The following LUZP2 variants were observed in gnomAD, a reference collection of about 807,000 sequenced individuals.
LUZP2 encodes the protein leucine zipper protein 2.
Under a neutral mutation model 51.6 loss-of-function variants are expected in LUZP2, and 52 were observed. The observed-to-expected ratio is 1.01, with a 90% CI of 0.81 to 1.27. The LOEUF is 1.27. Ranked by LOEUF, LUZP2 falls within the 50% of genes most tolerant of loss-of-function variation. The probability of loss-of-function intolerance (pLI) is 0.00; values close to 1 mark genes in which losing one functional copy is unlikely to be tolerated. For missense variants in LUZP2, 436 were observed against 395.4 expected, an observed-to-expected ratio of 1.10 and a Z score of -0.87; for synonymous variants, 154 against 137.3, an observed-to-expected ratio of 1.12 and a Z score of -0.85.
At chr11:24,734,229 C>A (rs2133976031) in intron 3 of LUZP2, among the ~76,000 whole-genome samples, 1 of 141,860 alleles carries the variant, frequency 7.0e-6, no homozygotes, top group Non-Finnish European at 1.5e-5. Flanking sequence ...ATAAAGTCAG[C>A]CTTTCCTTAC....
chr11:24,823,527 C>T (rs1850424817), intron 5 of LUZP2, among the ~76,000 whole-genome samples: 3 of 151,674 alleles, frequency 2.0e-5, no homozygotes, highest in Non-Finnish European at 4.4e-5. Flanking sequence ...TTTACATTAA[C>T]AAAATGATTC....
chr11:24,630,442 G>A (rs1041067994), intron 1 of LUZP2, among the ~76,000 whole-genome samples: 8 of 151,978 alleles, frequency 5.3e-5, no homozygotes, highest in African/African-American at 1.9e-4. Flanking sequence ...TTATTACAAA[G>A]GGTGTCTTTT....
At chr11:24,550,235 C>T (rs1399081181) in intron 1 of LUZP2, among the ~76,000 whole-genome samples, 1 of 151,908 alleles carries the variant, frequency 6.6e-6, no homozygotes, top group East Asian at 1.9e-4. Context: ...ATAGAACCTA[C>T]CACATTTATG....
rs1461708086 is a variant in LUZP2 at position 24,650,846 on chromosome 11, T to C, written c.63-78323T>C. ...GAAACTTTTGCATTAATATGCATCA[T>C]AAGTTGTTCATGGAGTTCTTAAATA... is the stretch of plus-strand genomic sequence containing the variant. On this transcript the variant is annotated intron_variant, in intron 1 of 11. Coordinates refer to ENST00000336930, the MANE Select transcript of LUZP2 (RefSeq NM_001009909.4). 2.6e-5 allele frequency among the ~76,000 whole-genome samples: 4 copies of C among 152,234 alleles called. No individual in the cohort carries two copies. The East Asian group carries it at 5.8e-4, about 22-fold the overall frequency.
chr11:24,892,272 C>G (rs1017498565), intron 5 of LUZP2: 3 of 985,320 alleles, frequency 3.0e-6, no homozygotes, highest in Non-Finnish European at 2.4e-6. Context: ...ACTGGACCAT[C>G]TGCTATAGGA....
intron 6 of LUZP2, among the ~76,000 whole-genome samples, chr11:24,911,932 C>T (rs1853648415): frequency 6.6e-6 from 1 of 152,098 alleles, no homozygotes; most frequent in South Asian, 2.1e-4. Flanking sequence ...ATGCATCATG[C>T]ATTTCACCTT....
At chr11:24,764,110 A>G (rs895856736) in intron 5 of LUZP2, among the ~76,000 whole-genome samples, 1 of 152,222 alleles carries the variant, frequency 6.6e-6, no homozygotes, top group Non-Finnish European at 1.5e-5. Context: ...AAATGCTCAC[A>G]TACGATTTAA....
intron 1 of LUZP2, among the ~76,000 whole-genome samples, chr11:24,715,335 C>T (rs1811833416): frequency 7.3e-6 from 1 of 137,212 alleles, no homozygotes; most frequent in Non-Finnish European, 1.6e-5. Flanking sequence ...ATATCTTGGT[C>T]GGTGAAGAGC....
intron 1 of LUZP2, among the ~76,000 whole-genome samples, chr11:24,541,729 T>G (rs1011581271): frequency 1.3e-5 from 2 of 152,118 alleles, no homozygotes; most frequent in Non-Finnish European, 2.9e-5. Context: ...AAATGCTGCC[T>G]TATGCCACAT....
intron 7 of LUZP2, among the ~76,000 whole-genome samples, chr11:24,916,952 A>G (rs1488742244): frequency 6.6e-6 from 1 of 152,180 alleles, no homozygotes; most frequent in Non-Finnish European, 1.5e-5. Flanking sequence ...TCCCATCAAC[A>G]GTGTTAAAGT....
chr11:24,781,897 A>G (rs1296879858), intron 5 of LUZP2, among the ~76,000 whole-genome samples: 2 of 152,006 alleles, frequency 1.3e-5, no homozygotes, highest in African/African-American at 4.8e-5. Context: ...CAAAAAATGA[A>G]TATTCTGATG....
intron 5 of LUZP2, among the ~76,000 whole-genome samples, chr11:24,879,786 T>A (rs1486418054): frequency 2.0e-5 from 3 of 152,146 alleles, no homozygotes; most frequent in Non-Finnish European, 4.4e-5. Context: ...GCCTCACAAT[T>A]TTTACTGGTG....
At chr11:24,540,215 C>T (rs1212783904) in intron 1 of LUZP2, among the ~76,000 whole-genome samples, 1 of 152,072 alleles carries the variant, frequency 6.6e-6, no homozygotes, top group Non-Finnish European at 1.5e-5. Flanking sequence ...ACAATTACGA[C>T]TCTTCAAATA....
At position 25,078,859 on chromosome 11, in the gene LUZP2, A is replaced by G. The variant is rs1859396159; in HGVS notation, c.*201A>G. On this transcript the variant is annotated 3_prime_UTR_variant, in exon 12 of 12. Coordinates refer to ENST00000336930, the MANE Select transcript of LUZP2 (RefSeq NM_001009909.4). ...AATAACCTCATTGAATTGAATACCC[A>G]CAGTCAGAAATATTTTGTTGTCAAC... The G allele has an allele frequency of 4.1e-6, 2 of 491,078 alleles. No homozygotes were observed. Among genetic ancestry groups the G allele is most frequent in the Non-Finnish European group, 7.1e-6 (2 of 282,394 alleles). 30.4% of individuals were successfully genotyped at this position (491,078 alleles called of 1,614,324 possible). A position where few individuals can be genotyped will look rare whatever the true frequency, so the allele number is the denominator to read the frequency against.
intron 5 of LUZP2, among the ~76,000 whole-genome samples, chr11:24,872,775 C>T (rs1275389313): frequency 1.3e-5 from 2 of 152,070 alleles, no homozygotes; most frequent in Non-Finnish European, 2.9e-5. Context: ...AGCATTTGCA[C>T]ATTCTTTGTT....
chr11:25,001,420 C>G (rs536228262), intron 9 of LUZP2, among the ~76,000 whole-genome samples: 16 of 152,266 alleles, frequency 1.1e-4, no homozygotes, highest in African/African-American at 3.8e-4. Flanking sequence ...GGGAGTTCCT[C>G]CTAGATTTGT....
intron 5 of LUZP2, among the ~76,000 whole-genome samples, chr11:24,829,311 A>G (rs1717792254): frequency 1.3e-5 from 2 of 152,182 alleles, no homozygotes; most frequent in Admixed American, 6.6e-5. Flanking sequence ...AAGTCAGAAG[A>G]GAAGTAAATG....
intron 5 of LUZP2, chr11:24,831,994 G>C (rs1194711119): frequency 6.6e-6 from 1 of 152,486 alleles, no homozygotes; most frequent in African/African-American, 2.4e-5. Flanking sequence ...CTAGTACCTA[G>C]AATAGTGGAG....
chr11:24,559,066 C>T (rs376774807), intron 1 of LUZP2, among the ~76,000 whole-genome samples: 1 of 152,120 alleles, frequency 6.6e-6, no homozygotes, highest in African/African-American at 2.4e-5. Context: ...ATATAAATAA[C>T]TGGCTGAGCA....
Sources: gnomAD v4.1 joint callset for allele counts (sites outside exome capture counted in the v4.1 genomes callset) on GRCh38, gnomAD v4.1.1 for gene constraint, MANE v1.5 for transcripts, NCBI Gene and HGNC (gene_info 2026-07-23, HGNC 2026-07-21) for gene names.